CSTA: variants seen among roughly 807,000 people sequenced by gnomAD.
The protein encoded by CSTA is cystatin A.
CSTA carries 9 observed loss-of-function variants against 9.2 expected under a neutral mutation model. The observed-to-expected ratio is 0.97, with a 90% CI of 0.59 to 1.70. The LOEUF is 1.70. Among genes scored for constraint, CSTA ranks in the 40% most tolerant of loss-of-function variants. The pLI is 0.00. For synonymous variants in CSTA, 36 were observed against 40.6 expected, an observed-to-expected ratio of 0.89 and a Z score of 0.43; for missense variants, 118 against 113.1, an observed-to-expected ratio of 1.04 and a Z score of -0.20.
chr3:122,334,419 G>A (rs34336119), intron 1 of CSTA, among the ~76,000 whole-genome samples: 14,334 of 152,122 alleles, frequency 0.094, 1,317 homozygotes, highest in East Asian at 0.43. Context: ...CGAGGCTGCA[G>A]TGAACTATGA....
chr3:122,341,192 C>A (rs2107669409), intron 2 of CSTA, among the ~76,000 whole-genome samples: 1 of 152,244 alleles, frequency 6.6e-6, no homozygotes, highest in Non-Finnish European at 1.5e-5. Context: ...CCCCCTGCCT[C>A]AGCCTCCCAA....
At chr3:122,340,946 T>C (rs1393988868) in intron 2 of CSTA, among the ~76,000 whole-genome samples, 1 of 3,484 alleles carries the variant, frequency 2.9e-4, no homozygotes, top group Non-Finnish European at 5.7e-4. Context: ...AGTCTACAAT[T>C]TTTTTTTTTT....
chr3:122,330,377 G>A (rs1012802862), intron 1 of CSTA, among the ~76,000 whole-genome samples: 2 of 151,974 alleles, frequency 1.3e-5, no homozygotes, highest in Non-Finnish European at 2.9e-5. Context: ...AGAGAAAGAA[G>A]GAAGAAAAAG....
intron 1 of CSTA, among the ~76,000 whole-genome samples, chr3:122,326,198 T>G (rs2075170096): frequency 6.6e-6 from 1 of 151,810 alleles, no homozygotes; most frequent in Non-Finnish European, 1.5e-5. Flanking sequence ...TGGGGGGTTT[T>G]GTTTTGTTTT....
chr3:122,331,274 ATG>A, intron 1 of CSTA, among the ~76,000 whole-genome samples: 1 of 152,172 alleles, frequency 6.6e-6, no homozygotes, highest in African/African-American at 2.4e-5. Flanking sequence ...GGAACTTAGC[ATG>A]TCATGGCTCT....
intron 1 of CSTA, among the ~76,000 whole-genome samples, chr3:122,330,577 A>G (rs1047837108): frequency 2.6e-5 from 4 of 152,250 alleles, no homozygotes; most frequent in African/African-American, 7.2e-5. Context: ...TCTGAAGATA[A>G]CAGAGACTGA....
chr3:122,333,108 C>T lies in CSTA; in HGVS notation c.67-4439C>T, dbSNP rs985768788. ...ACAGGTGCCAGAACACTTCAAGAAACAAACCAGATCTTTTAAATCCCCTCT... is the reference window on the plus strand; with the variant it reads ...ACAGGTGCCAGAACACTTCAAGAAATAAACCAGATCTTTTAAATCCCCTCT... On this transcript the variant is annotated intron_variant, in intron 1 of 2. Transcript: ENST00000264474. 3.9e-5 allele frequency among the ~76,000 whole-genome samples: 6 copies of T among 152,338 alleles called. No homozygotes were observed. The South Asian group carries it at 1.2e-3, about 32-fold the overall frequency.
At position 122,330,633 on chromosome 3, in the gene CSTA, C is replaced by T. The variant is rs575731658; in HGVS notation, c.66+5275C>T. On this transcript the variant is annotated intron_variant, in intron 1 of 2. Coordinates refer to ENST00000264474, the MANE Select transcript of CSTA (RefSeq NM_005213.4). Reference sequence around the variant, plus strand: ...GTACTAAAGTACACTTGGAAGAAAACCCTCTTCCAAGATTCTCCGTATTAG... The same window carrying T: ...GTACTAAAGTACACTTGGAAGAAAATCCTCTTCCAAGATTCTCCGTATTAG... 5.9e-5 allele frequency among the ~76,000 whole-genome samples: 9 copies of T among 152,308 alleles called. No individual in the cohort carries two copies. The South Asian group carries it at 1.9e-3, about 32-fold the overall frequency.
chr3:122,340,631 T>C (rs1170727731), intron 2 of CSTA, among the ~76,000 whole-genome samples: 4 of 152,170 alleles, frequency 2.6e-5, no homozygotes, highest in African/African-American at 9.6e-5. Flanking sequence ...AGGGAGGGTG[T>C]CCGCCCCCTG....
At chr3:122,339,832 G>A (rs2075255569) in intron 2 of CSTA, among the ~76,000 whole-genome samples, 2 of 152,138 alleles carry the variant, frequency 1.3e-5, no homozygotes, top group South Asian at 4.1e-4. Context: ...TGTGAGCCAG[G>A]CCTCATTCCC....
intron 1 of CSTA, among the ~76,000 whole-genome samples, chr3:122,335,843 A>C (rs1284307147): frequency 6.6e-6 from 1 of 151,548 alleles, no homozygotes; most frequent in Admixed American, 6.6e-5. Flanking sequence ...TGTTGGTCAC[A>C]CTGGTCTCAA....
intron 1 of CSTA, among the ~76,000 whole-genome samples, chr3:122,336,679 T>A (rs992147470): frequency 1.3e-5 from 2 of 152,090 alleles, no homozygotes; most frequent in African/African-American, 4.8e-5. Flanking sequence ...ACAAGACACT[T>A]ACTAATTACA....
chr3:122,340,307 T>C (rs1391522863), intron 2 of CSTA, among the ~76,000 whole-genome samples: 1 of 152,122 alleles, frequency 6.6e-6, no homozygotes, highest in Non-Finnish European at 1.5e-5. Flanking sequence ...TAGCTTTTTT[T>C]TTTCTTTTCT....
In CSTA at chr3:122,341,692, A is replaced by G; in HGVS notation, c.*125A>G. Reference sequence around the variant, plus strand: ...GAAATTATTTCTTCAATTATTTCTCATTTATTGTATTAAGCAGAAATTACC... The same window carrying G: ...GAAATTATTTCTTCAATTATTTCTCGTTTATTGTATTAAGCAGAAATTACC... On this transcript the variant is annotated 3_prime_UTR_variant, in exon 3 of 3. Transcript: ENST00000264474. The G allele has an allele frequency of 8.2e-7, 1 of 1,216,604 alleles. No homozygotes were observed. The allele number at this position is 1,216,604 out of a possible 1,614,324, so 75.4% of individuals were successfully genotyped here.
chr3:122,338,557 G>A (rs1458068774), intron 2 of CSTA, among the ~76,000 whole-genome samples: 1 of 149,778 alleles, frequency 6.7e-6, no homozygotes, highest in Non-Finnish European at 1.5e-5. Flanking sequence ...GCATAAGAAA[G>A]TTTCAGTACA....
chr3:122,332,311 G>GC (rs1322889187), intron 1 of CSTA, among the ~76,000 whole-genome samples: 2 of 152,100 alleles, frequency 1.3e-5, no homozygotes, highest in African/African-American at 4.8e-5. Context: ...CATCCTCAAT[G>GC]CCTTGTCCCA....
At chr3:122,339,289 TA>T (rs1210427349) in intron 2 of CSTA, among the ~76,000 whole-genome samples, 2 of 152,214 alleles carry the variant, frequency 1.3e-5, no homozygotes, top group East Asian at 3.8e-4. Context: ...TTGTGAGGAA[TA>T]AATAAGCTGG....
intron 1 of CSTA, among the ~76,000 whole-genome samples, chr3:122,328,104 C>A (rs549557658): frequency 2.6e-5 from 4 of 152,292 alleles, no homozygotes; most frequent in Admixed American, 1.3e-4. Context: ...AAAGCTTGAC[C>A]TCCATTCGAG....
chr3:122,332,477 TTCTA>T (rs1182244795), intron 1 of CSTA, among the ~76,000 whole-genome samples: 3 of 152,164 alleles, frequency 2.0e-5, no homozygotes, highest in African/African-American at 7.2e-5. Flanking sequence ...ATCAATATCT[TTCTA>T]TCTATTTTCT....
Sources: allele counts gnomAD v4.1 joint callset (sites outside exome capture counted in the v4.1 genomes callset), GRCh38; gene constraint gnomAD v4.1.1; transcripts MANE v1.5; gene names NCBI Gene and HGNC (gene_info 2026-07-23, HGNC 2026-07-21).